The following TDRD9 variants were observed in gnomAD, a reference collection of about 807,000 sequenced individuals.
The protein encoded by TDRD9 is ATP-dependent RNA helicase TDRD9.
Under a neutral mutation model 172.6 loss-of-function variants are expected in TDRD9, and 124 were observed. That is an observed-to-expected ratio of 0.72 (90% CI 0.62 to 0.83). The LOEUF (loss-of-function observed/expected upper bound fraction) is 0.83, where lower values mean the gene tolerates loss of function less well. Among genes scored for constraint, TDRD9 ranks in the 40% least tolerant of loss-of-function variants. The pLI, the probability that TDRD9 is intolerant of heterozygous loss-of-function variation, is 0.00. For missense variants in TDRD9, 1,479 were observed against 1,714.1 expected, an observed-to-expected ratio of 0.86 and a Z score of 2.42; for synonymous variants, 619 against 617.1, an observed-to-expected ratio of 1.00 and a Z score of -0.05.
rs561750835 is a variant in TDRD9 at position 104,036,006 on chromosome 14, A to G, written c.3716+950A>G. Among the ~76,000 whole-genome samples, 113 of 152,204 alleles carry G rather than the reference A, an allele frequency of 7.4e-4. 2 individuals are homozygous for G. The South Asian group carries it at 0.013, about 18-fold the overall frequency. ...AGTGCTTTTTTTTTTAGTTGTAAGA[A>G]TATTTTTTTCATTAAAATATGTGCT... On this transcript the variant is annotated intron_variant, in intron 32 of 35. Coordinates refer to ENST00000409874, the MANE Select transcript of TDRD9 (RefSeq NM_153046.3).
At chr14:104,014,939 CA>C (rs2034740739) in intron 21 of TDRD9, 98 bp downstream of exon 21, 2 of 675,838 alleles carry the variant, frequency 3.0e-6, no homozygotes, top group African/African-American at 3.6e-5. Context: ...TGATACAAAC[CA>C]AACCTCAAAG....
chr14:104,012,109 G>A (rs1401342322), intron 20 of TDRD9, among the ~76,000 whole-genome samples: 2 of 152,162 alleles, frequency 1.3e-5, no homozygotes, highest in Non-Finnish European at 2.9e-5. Flanking sequence ...GGTTATGTAG[G>A]CCTAGAGTAC....
intron 5 of TDRD9, among the ~76,000 whole-genome samples, chr14:103,968,657 G>A (rs1314993593): frequency 3.4e-5 from 5 of 146,966 alleles, no homozygotes; most frequent in East Asian, 2.0e-4. Flanking sequence ...TTAGCCGGGC[G>A]TGGTGGCGGG....
intron 34 of TDRD9, 36 bp downstream of exon 34, chr14:104,042,223 C>A: frequency 7.0e-7 from 1 of 1,418,716 alleles, no homozygotes; most frequent in Non-Finnish European, 1.0e-6. Context: ...CTTTTCTTCC[C>A]AGTCAACTTT....
At chr14:104,032,339 T>C (rs1042593299) in intron 30 of TDRD9, among the ~76,000 whole-genome samples, 1 of 152,148 alleles carries the variant, frequency 6.6e-6, no homozygotes, top group African/African-American at 2.4e-5. Flanking sequence ...CCTGAGTAGC[T>C]GGGATTACAG....
chr14:104,016,882 G>T (rs1349790535), intron 22 of TDRD9, among the ~76,000 whole-genome samples: 1 of 152,166 alleles, frequency 6.6e-6, no homozygotes. Flanking sequence ...TAGTCCTGAA[G>T]AAATAAATAG....
rs1206381774 is a variant in TDRD9, at chr14:103,980,577, C to CAGGGAGACGGTT, written c.1011+5028_1011+5039dup. On this transcript the variant is annotated intron_variant, in intron 7 of 35. Coordinates refer to ENST00000409874, the MANE Select transcript of TDRD9 (RefSeq NM_153046.3). The surrounding 1 kb of genome is among the most constrained non-coding windows in gnomAD (Gnocchi z 4.5). ...GTGTGACCACTGAAGCACAGCATCA[C>CAGGGAGACGGTT]AGGGAGACGGTTAGGCCTCCGGATA... Among the ~76,000 whole-genome samples the CAGGGAGACGGTT allele has an allele frequency of 3.3e-5, 5 of 152,208 alleles. No individual in the cohort carries two copies. Among genetic ancestry groups the CAGGGAGACGGTT allele is most frequent in the Non-Finnish European group, 7.3e-5 (5 of 68,036 alleles).
chr14:104,019,671 G>A (rs975866115), intron 23 of TDRD9, among the ~76,000 whole-genome samples: 9 of 152,140 alleles, frequency 5.9e-5, no homozygotes, highest in African/African-American at 2.2e-4. Flanking sequence ...ATAGAGCAGG[G>A]GTGACTTCAT....
chr14:104,006,450 CCTT>C lies in TDRD9; in HGVS notation c.1779_1781del (p.Phe593del). Reference sequence around the variant, plus strand: ...GAAAACCCCCATGATGGTGAATTGACCTTCTTAGGAAGAGTTTTAGCCCAACTT... The same window carrying C: ...GAAAACCCCCATGATGGTGAATTGACCTTAGGAAGAGTTTTAGCCCAACTT... On this transcript the variant is annotated inframe_deletion, in exon 16 of 36. Coordinates refer to ENST00000409874, the MANE Select transcript of TDRD9 (RefSeq NM_153046.3). 2 of 1,613,844 alleles carry C rather than the reference CCTT, an allele frequency of 1.2e-6. No homozygotes were observed. Among genetic ancestry groups the C allele is most frequent in the Non-Finnish European group, 1.7e-6 (2 of 1,179,750 alleles).
intron 1 of TDRD9, chr14:103,939,798 G>GTGC (rs910847904): frequency 3.7e-5 from 4 of 108,744 alleles, no homozygotes; most frequent in Non-Finnish European, 7.5e-5. Context: ...CCAGATTGGA[G>GTGC]TGCAGTGGTG....
rs754233884 is a variant in TDRD9, at chr14:104,006,475, A to G, written c.1800A>G (p.Gln600=). 5.0e-6 allele frequency: 8 copies of G among 1,613,802 alleles called. No homozygotes were observed. Among genetic ancestry groups the G allele is most frequent in the South Asian group, 2.2e-5 (2 of 91,078 alleles). ...ELTFLGRVLA[Q]LPVNQQLGKL... Reference sequence around the variant, plus strand: ...CCTTCTTAGGAAGAGTTTTAGCCCAACTTCCTGTAAATCAGCAACTTGGTA... The same window carrying G: ...CCTTCTTAGGAAGAGTTTTAGCCCAGCTTCCTGTAAATCAGCAACTTGGTA... Residue 600 remains glutamine, a synonymous_variant, in exon 16 of 36, where the codon CAA becomes CAG. Coordinates refer to ENST00000409874, the MANE Select transcript of TDRD9 (RefSeq NM_153046.3).
intron 34 of TDRD9, among the ~76,000 whole-genome samples, chr14:104,043,817 A>G (rs114632845): frequency 0.011 from 1,669 of 152,346 alleles, 45 homozygotes; most frequent in African/African-American, 0.039. Flanking sequence ...TCTGTCATCC[A>G]GAGAAGTTTA....
chr14:103,958,436 C>T (rs2032349077), intron 2 of TDRD9, among the ~76,000 whole-genome samples: 1 of 152,140 alleles, frequency 6.6e-6, no homozygotes, highest in Non-Finnish European at 1.5e-5. Flanking sequence ...GGCTAATAGC[C>T]TCCTAAAGAG....
At chr14:103,932,425 T>C (rs2030451623) in intron 1 of TDRD9, among the ~76,000 whole-genome samples, 1 of 152,198 alleles carries the variant, frequency 6.6e-6, no homozygotes, top group South Asian at 2.1e-4. Flanking sequence ...TCTCGCTCTG[T>C]CGCCCAGGCT....
chr14:103,941,195 T>C, intron 1 of TDRD9: 1 of 1,069,996 alleles, frequency 9.3e-7, no homozygotes, highest in Non-Finnish European at 1.3e-6. Context: ...TGTATACAAG[T>C]TACCCACCTT....
chr14:104,013,917 A>C (rs1381715616), intron 20 of TDRD9: 1 of 148,688 alleles, frequency 6.7e-6, no homozygotes, highest in Non-Finnish European at 1.5e-5. Flanking sequence ...TGGGCAATAT[A>C]GCAAGATCTT....
rs111450956 is a variant in TDRD9, at chr14:103,997,066, T to C, written c.1378+1259T>C. On this transcript the variant is annotated intron_variant, in intron 12 of 35. Coordinates refer to ENST00000409874, the MANE Select transcript of TDRD9 (RefSeq NM_153046.3). The surrounding 1 kb of genome is among the most constrained non-coding windows in gnomAD (Gnocchi z 5.1). ...AGAGGCCTGGGGGTAGCAGGGGCCA[T>C]GCAGGGCCCATAGGACCTGGTACAA... 0.023 allele frequency among the ~76,000 whole-genome samples: 3,478 copies of C among 152,234 alleles called. 76 individuals are homozygous for C. Among genetic ancestry groups the C allele is most frequent in the East Asian group, 0.07 (362 of 5,170 alleles).
intron 11 of TDRD9, 65 bp from the exon 12 acceptor site, chr14:103,995,684 TA>T: frequency 6.9e-7 from 1 of 1,439,148 alleles, no homozygotes; most frequent in Non-Finnish European, 9.3e-7. Flanking sequence ...TGCATTTTTG[TA>T]AACTTTGCCT....
At chr14:104,017,991 T>C in intron 22 of TDRD9, 101 bp from the exon 23 acceptor site, 2 of 701,446 alleles carry the variant, frequency 2.9e-6, no homozygotes, top group South Asian at 3.4e-5. Flanking sequence ...AAACTATGTT[T>C]TTAGAAACTA....
Sources: gnomAD v4.1 joint callset for allele counts (sites outside exome capture counted in the v4.1 genomes callset) on GRCh38, gnomAD v4.1.1 for gene constraint, Gnocchi (gnomAD v3.1) non-coding constraint, MANE v1.5 for transcripts, NCBI Gene and HGNC (gene_info 2026-07-23, HGNC 2026-07-21) for gene names.